The following SF3A3 variants were observed in gnomAD, a reference collection of about 807,000 sequenced individuals.
SF3A3 encodes SAP 61.
A neutral mutation model predicts 85.8 loss-of-function variants in SF3A3; 9 were observed. The observed-to-expected ratio is 0.10, with a 90% CI of 0.06 to 0.18. The LOEUF (loss-of-function observed/expected upper bound fraction) is 0.18, where lower values mean the gene tolerates loss of function less well. SF3A3 is among the 10% of genes least tolerant of loss of function. The pLI, the probability that SF3A3 is intolerant of heterozygous loss-of-function variation, is 1.00. For synonymous variants in SF3A3, 195 were observed against 204.4 expected (o/e 0.95, Z 0.39); for missense variants, 306 against 593.3 (o/e 0.52, Z 5.03).
intron 6 of SF3A3, 32 bp from the exon 7 acceptor site, chr1:37,981,843 A>G (rs765526720): frequency 7.8e-7 from 1 of 1,279,286 alleles, no homozygotes; most frequent in South Asian, 1.3e-5. Context: ...CAAGAAATTC[A>G]GTTAGGTATT....
intron 9 of SF3A3, 35 bp from the exon 10 acceptor site, chr1:37,979,090 T>A: frequency 1.3e-6 from 2 of 1,577,514 alleles, no homozygotes; most frequent in Non-Finnish European, 1.7e-6. Context: ...AATATTACAT[T>A]AACAGATTTT....
intron 8 of SF3A3, 84 bp downstream of exon 8, chr1:37,980,501 GC>G: frequency 1.4e-6 from 2 of 1,392,956 alleles, no homozygotes; most frequent in Non-Finnish European, 2.0e-6. Flanking sequence ...GATACCTAAT[GC>G]CCTAAAGTGG....
chr1:37,983,565 T>C (rs1266743186), intron 6 of SF3A3, among the ~76,000 whole-genome samples: 29 of 83,184 alleles, frequency 3.5e-4, no homozygotes, highest in African/African-American at 1.1e-3. Flanking sequence ...CCAGCCTGGG[T>C]GACAAAGTGA....
intron 15 of SF3A3, among the ~76,000 whole-genome samples, chr1:37,965,302 C>CAAAAAAAA (rs55747818): frequency 5.0e-5 from 5 of 100,380 alleles, no homozygotes; most frequent in Non-Finnish European, 7.4e-5. Context: ...CCCATCGGCA[C>CAAAAAAAA]AAAAAAAAAA....
At chr1:37,960,961 G>A (rs1387824976) in intron 15 of SF3A3, among the ~76,000 whole-genome samples, 1 of 151,952 alleles carries the variant, frequency 6.6e-6, no homozygotes, top group Non-Finnish European at 1.5e-5. Context: ...CCAACAACTT[G>A]AATCTTAAAG....
chr1:37,959,914 C>T (rs889598368), intron 16 of SF3A3, among the ~76,000 whole-genome samples: 2 of 142,530 alleles, frequency 1.4e-5, no homozygotes, highest in African/African-American at 5.3e-5. Flanking sequence ...GCTGACATTG[C>T]ACCACTGCAC....
At position 37,966,428 on chromosome 1, in the gene SF3A3, A is replaced by C. The variant is rs577259564; in HGVS notation, c.1372+1616T>G. On this transcript the variant is annotated intron_variant, in intron 15 of 16. Coordinates refer to ENST00000373019, the MANE Select transcript of SF3A3 (RefSeq NM_006802.4). ...GCTGTGTTTCTATAGCCTCTAACACAAGCTTACTGAGGGTACTTCTATATT... is the reference window on the plus strand; with the variant it reads ...GCTGTGTTTCTATAGCCTCTAACACCAGCTTACTGAGGGTACTTCTATATT... Among the ~76,000 whole-genome samples the C allele has an allele frequency of 2.1e-4, 32 of 152,200 alleles. 1 individual carries two copies. In the South Asian group the frequency reaches 6.0e-3, roughly 29 times the overall value.
At chr1:37,974,518 G>A (rs1432046247) in intron 12 of SF3A3, among the ~76,000 whole-genome samples, 2 of 152,060 alleles carry the variant, frequency 1.3e-5, no homozygotes, top group Non-Finnish European at 2.9e-5. Flanking sequence ...TAGCCAGGAT[G>A]GTCTCGATCT....
intron 15 of SF3A3, among the ~76,000 whole-genome samples, chr1:37,965,291 C>A (rs1646290921): frequency 6.9e-6 from 1 of 144,602 alleles, no homozygotes; most frequent in Non-Finnish European, 1.5e-5. Flanking sequence ...CATAAGGAAA[C>A]CCCATCGGCA....
chr1:37,960,345 C>G (rs2148713835), intron 15 of SF3A3, 170 bp from the exon 16 acceptor site: 2 of 540,518 alleles, frequency 3.7e-6, no homozygotes, highest in Middle Eastern at 4.6e-4. Flanking sequence ...TAGACAAAAC[C>G]CTTTCCACTG....
intron 15 of SF3A3, among the ~76,000 whole-genome samples, chr1:37,963,720 C>T (rs1217205946): frequency 1.3e-5 from 2 of 151,196 alleles, no homozygotes; most frequent in African/African-American, 4.8e-5. Flanking sequence ...CAACGTCCGA[C>T]TAATTTTTTG....
chr1:37,965,642 A>G (rs1275461702), intron 15 of SF3A3, among the ~76,000 whole-genome samples: 1 of 151,742 alleles, frequency 6.6e-6, no homozygotes, highest in Non-Finnish European at 1.5e-5. Flanking sequence ...TAGTCCCATC[A>G]GCTTGGGAAT....
chr1:37,970,357 A>T (rs1451730810), intron 12 of SF3A3, among the ~76,000 whole-genome samples: 1 of 152,048 alleles, frequency 6.6e-6, no homozygotes, highest in Non-Finnish European at 1.5e-5. Context: ...AGATTCATAA[A>T]GCAAGTCCTC....
At chr1:37,966,297 T>C (rs926243616) in intron 15 of SF3A3, among the ~76,000 whole-genome samples, 4 of 152,132 alleles carry the variant, frequency 2.6e-5, no homozygotes, top group African/African-American at 9.6e-5. Flanking sequence ...CAGAGAAAGC[T>C]ACTACTGCTG....
chr1:37,967,139 C>T (rs1323383674), intron 15 of SF3A3, among the ~76,000 whole-genome samples: 1 of 144,684 alleles, frequency 6.9e-6, no homozygotes, highest in Non-Finnish European at 1.5e-5. Flanking sequence ...GCCTGTAATC[C>T]CAGGTACTAG....
chr1:37,967,199 G>A (rs1646307753), intron 15 of SF3A3, among the ~76,000 whole-genome samples: 2 of 146,326 alleles, frequency 1.4e-5, no homozygotes, highest in Non-Finnish European at 3.0e-5. Flanking sequence ...GAGGTTGCAG[G>A]AGCCAAGATC....
In SF3A3 at chr1:37,978,821, T is replaced by C; in HGVS notation, c.834A>G (p.Leu278=). The change falls in exon 11 of 17, where the codon CTA becomes CTG. Residue 278 remains leucine, a synonymous_variant. Coordinates refer to ENST00000373019, the MANE Select transcript of SF3A3 (RefSeq NM_006802.4). ...TGAATAGTCTCTGGGCTCGCTCTTC[T>C]AGGGTCCTAAGGAGACAGGACGGCA... is the stretch of plus-strand genomic sequence containing the variant. The part of the protein sequence containing the change: ...LALGLKCGGT[L]EERAQRLFST... 2 of 1,574,696 alleles carry C rather than the reference T, an allele frequency of 1.3e-6. No individual in the cohort carries two copies. Among genetic ancestry groups the C allele is most frequent in the East Asian group, 2.3e-5 (1 of 43,352 alleles).
At chr1:37,960,237 T>C (rs1385754389) in intron 15 of SF3A3, 62 bp from the exon 16 acceptor site, 3 of 1,446,638 alleles carry the variant, frequency 2.1e-6, no homozygotes, top group Admixed American at 1.7e-5. Context: ...TATCCAGTGT[T>C]ATAATCCTCT....
At chr1:37,977,564 C>T (rs1267175522) in intron 11 of SF3A3, among the ~76,000 whole-genome samples, 5 of 152,062 alleles carry the variant, frequency 3.3e-5, no homozygotes, top group African/African-American at 1.2e-4. Context: ...TAGCTGGGCA[C>T]GGTGGCTCAC....
Sources: gnomAD v4.1 joint callset for allele counts (sites outside exome capture counted in the v4.1 genomes callset) on GRCh38, gnomAD v4.1.1 for gene constraint, MANE v1.5 for transcripts, NCBI Gene and HGNC (gene_info 2026-07-23, HGNC 2026-07-21) for gene names.